TAF2: variants seen among roughly 807,000 people sequenced by gnomAD.
TAF2 encodes transcription initiation factor TFIID subunit 2.
In TAF2, 61 loss-of-function variants were observed where a neutral mutation model predicts 138.5. That is an observed-to-expected ratio of 0.44 (90% CI 0.36 to 0.54). TAF2 has a LOEUF of 0.54. Among genes scored for constraint, TAF2 ranks in the 20% least tolerant of loss-of-function variants. TAF2 has a pLI of 0.00. For synonymous variants in TAF2, 475 were observed against 469.9 expected (o/e 1.01, Z -0.14); for missense variants, 1,090 against 1,427.9 (o/e 0.76, Z 3.81).
chr8:119,766,564 TG>T (rs1278743637), intron 18 of TAF2, among the ~76,000 whole-genome samples: 3 of 152,032 alleles, frequency 2.0e-5, no homozygotes. Flanking sequence ...CTGAGGTGGG[TG>T]GATTACTTGA....
intron 18 of TAF2, 100 bp from the exon 19 acceptor site, chr8:119,762,708 A>C: frequency 8.4e-7 from 1 of 1,197,220 alleles, no homozygotes. Flanking sequence ...TAAAATAAAA[A>C]TTTTCCCAAA....
chr8:119,741,001 A>T (rs374848530), intron 25 of TAF2, among the ~76,000 whole-genome samples: 8 of 152,024 alleles, frequency 5.3e-5, no homozygotes, highest in African/African-American at 1.9e-4. Context: ...AGCAGCCAAA[A>T]CTCAAATGTT....
intron 25 of TAF2, among the ~76,000 whole-genome samples, chr8:119,733,122 C>T (rs981238324): frequency 6.6e-6 from 1 of 152,144 alleles, no homozygotes; most frequent in Non-Finnish European, 1.5e-5. Flanking sequence ...TGGAACTAAT[C>T]CCCTCTGCGT....
chr8:119,777,426 T>C (rs530067301), intron 18 of TAF2, among the ~76,000 whole-genome samples: 4 of 152,290 alleles, frequency 2.6e-5, no homozygotes, highest in Admixed American at 6.5e-5. Context: ...ATAAAGTTCA[T>C]TAAGACATCA....
At chr8:119,791,487 T>C (rs762317693) in intron 10 of TAF2, 28 bp from the exon 11 acceptor site, 2 of 1,606,336 alleles carry the variant, frequency 1.2e-6, no homozygotes, top group East Asian at 4.5e-5. Flanking sequence ...ATTTACCTAA[T>C]ACAGCAAATG....
intron 19 of TAF2, among the ~76,000 whole-genome samples, chr8:119,761,020 T>C (rs566042415): frequency 6.6e-6 from 1 of 152,184 alleles, no homozygotes; most frequent in Non-Finnish European, 1.5e-5. Flanking sequence ...GTTTATTATG[T>C]CTACTGTAGT....
intron 3 of TAF2, among the ~76,000 whole-genome samples, chr8:119,818,876 T>C (rs1374065869): frequency 3.9e-5 from 6 of 152,290 alleles, no homozygotes; most frequent in East Asian, 1.9e-4. Flanking sequence ...AGTATTTATC[T>C]AAGGTGAAGA....
chr8:119,777,057 T>C (rs1203462136), intron 18 of TAF2, among the ~76,000 whole-genome samples: 4 of 152,152 alleles, frequency 2.6e-5, no homozygotes, highest in African/African-American at 9.7e-5. Context: ...CTAAACAGTA[T>C]AGTATTAACA....
Position 119,801,962 on chromosome 8 carries a change from T to C in TAF2, c.624A>G (p.Val208=). The C allele has an allele frequency of 6.2e-7, 1 of 1,614,228 alleles. No homozygotes were observed. The highest frequency in any genetic ancestry group is 8.5e-7 in the Non-Finnish European group (1 of 1,180,040). The change falls in exon 6 of 26, where the codon GTA becomes GTG. Residue 208 remains valine, a synonymous_variant. Coordinates refer to ENST00000378164, the MANE Select transcript of TAF2 (RefSeq NM_003184.4). ...TAGAAACAGCAACCATTGCAGCATC[T>C]ACTGTAAATTCTAATTTCCATGTAC... ...ELCTWKLEFT[V]DAAMVAVSNG... is the part of the protein sequence containing the mutation.
At chr8:119,822,789 C>T (rs540321211) in intron 2 of TAF2, among the ~76,000 whole-genome samples, 3 of 152,314 alleles carry the variant, frequency 2.0e-5, no homozygotes, top group East Asian at 3.9e-4. Flanking sequence ...TCCTGTTCAA[C>T]TGCCTGAAAT....
intron 18 of TAF2, among the ~76,000 whole-genome samples, chr8:119,766,696 T>C (rs1455109773): frequency 1.3e-5 from 2 of 151,984 alleles, no homozygotes; most frequent in Admixed American, 6.6e-5. Context: ...TAGCTGAGCA[T>C]GGTGGTGGAT....
intron 24 of TAF2, among the ~76,000 whole-genome samples, chr8:119,743,208 A>G (rs1484193420): frequency 6.6e-6 from 1 of 152,218 alleles, no homozygotes; most frequent in Non-Finnish European, 1.5e-5. Context: ...TTAATGAATT[A>G]CAACTTATAT....
At chr8:119,760,174 T>A (rs1464078024) in intron 20 of TAF2, among the ~76,000 whole-genome samples, 1 of 152,194 alleles carries the variant, frequency 6.6e-6, no homozygotes, top group African/African-American at 2.4e-5. Flanking sequence ...AGCGACTTTT[T>A]TGGCCTTATG....
In TAF2 at chr8:119,802,022, A is replaced by C; in HGVS notation, c.564T>G (p.Phe188Leu). The change falls in exon 6 of 26, where the codon TTT becomes TTG. Residue 188 changes from phenylalanine (F) to leucine (L), a missense_variant. By Grantham distance (22) the Phe-to-Leu change is conservative. This residue lies in a region of TAF2 where 504 missense variants were observed against 680.9 expected (regional missense o/e 0.74). Coordinates refer to ENST00000378164, the MANE Select transcript of TAF2 (RefSeq NM_003184.4). ...AGTATGAATCAACACAAGGGAACCA[A>C]AATCTAGAAAAAAGATTGACAGTAT... ...FSCGYQNSTRFWFPCVDSYSE... is the reference protein window; with the variant it reads ...FSCGYQNSTRLWFPCVDSYSE... 1 of 1,611,212 alleles carries C rather than the reference A, an allele frequency of 6.2e-7. No homozygotes were observed. Among genetic ancestry groups the C allele is most frequent in the Non-Finnish European group, 8.5e-7 (1 of 1,177,852 alleles).
chr8:119,791,544 C>T (rs1253799555), intron 10 of TAF2, 85 bp from the exon 11 acceptor site: 3 of 1,466,742 alleles, frequency 2.0e-6, no homozygotes, highest in South Asian at 1.2e-5. Flanking sequence ...CAAGAAAATA[C>T]CCAAAAAACC....
chr8:119,748,470 C>A (rs1820130711), intron 22 of TAF2, among the ~76,000 whole-genome samples: 1 of 151,054 alleles, frequency 6.6e-6, no homozygotes, highest in African/African-American at 2.4e-5. Flanking sequence ...TGAAAGAGCT[C>A]TCATCATTCC....
At chr8:119,733,228 T>C (rs771858634) in intron 25 of TAF2, among the ~76,000 whole-genome samples, 9 of 152,138 alleles carry the variant, frequency 5.9e-5, no homozygotes, top group Non-Finnish European at 1.0e-4. Context: ...GGTATCTCAG[T>C]GAAAATCAAA....
chr8:119,745,951 G>A (rs1447782601), intron 23 of TAF2, among the ~76,000 whole-genome samples: 1 of 151,934 alleles, frequency 6.6e-6, no homozygotes, highest in East Asian at 1.9e-4. Context: ...GCATTTGCCA[G>A]GCATTTATCA....
rs541686862 is a variant in TAF2, at chr8:119,732,550, TC to T, written c.3338-365del. Among the ~76,000 whole-genome samples the T allele has an allele frequency of 7.9e-5, 12 of 152,298 alleles. No homozygotes were observed. In the South Asian group the frequency reaches 1.2e-3, roughly 16 times the overall value. ...CGGGGGCGGTGGCTCACTCCTGTAA[TC>T]CCAGCACTTTGGGAGGCCAAGGCGG... On this transcript the variant is annotated intron_variant, in intron 25 of 25. Transcript: ENST00000378164.
Sources: gnomAD v4.1 joint callset for allele counts (sites outside exome capture counted in the v4.1 genomes callset) on GRCh38, gnomAD v4.1.1 for gene constraint, gnomAD v4.1.1 regional missense constraint, MANE v1.5 for transcripts, NCBI Gene and HGNC (gene_info 2026-07-23, HGNC 2026-07-21) for gene names.